Variants in HCN1 observed in about 807,000 individuals in gnomAD.
HCN1 encodes hyperpolarization activated cyclic nucleotide gated potassium channel 1.
Under a neutral mutation model 78.9 loss-of-function variants are expected in HCN1, and 13 were observed. The observed-to-expected ratio is 0.16, with a 90% CI of 0.11 to 0.26. The LOEUF (loss-of-function observed/expected upper bound fraction) is 0.26. Ranked by LOEUF, HCN1 falls within the 10% of genes least tolerant of loss-of-function variation. HCN1 has a pLI of 1.00. For missense variants in HCN1, 810 were observed against 1,154.3 expected, an observed-to-expected ratio of 0.70 and a Z score of 4.32; for synonymous variants, 552 against 455.5, an observed-to-expected ratio of 1.21 and a Z score of -2.70.
chr5:45,491,001 C>T (rs1254161189), intron 2 of HCN1, among the ~76,000 whole-genome samples: 1 of 152,070 alleles, frequency 6.6e-6, no homozygotes. Flanking sequence ...CCCACCTTAA[C>T]CATACATCAG....
chr5:45,670,227 AC>A (rs1169222324), intron 1 of HCN1, among the ~76,000 whole-genome samples: 2 of 151,704 alleles, frequency 1.3e-5, no homozygotes, highest in South Asian at 4.1e-4. Flanking sequence ...AGTGAAACAA[AC>A]AAACAAACAA....
intron 3 of HCN1, among the ~76,000 whole-genome samples, chr5:45,457,979 C>A (rs988973295): frequency 1.3e-5 from 2 of 151,886 alleles, no homozygotes; most frequent in African/African-American, 2.4e-5. Context: ...ATAGCACCTG[C>A]GACGGTTAGT....
chr5:45,645,105 T>C (rs1226349554), intron 2 of HCN1, 80 bp downstream of exon 2: 6 of 1,039,922 alleles, frequency 5.8e-6, no homozygotes, highest in Non-Finnish European at 5.8e-6. Context: ...TCATTACACA[T>C]TGCACAGTTG....
chr5:45,268,281 T>TATAG (rs769110071), intron 6 of HCN1, among the ~76,000 whole-genome samples: 28 of 152,336 alleles, frequency 1.8e-4, no homozygotes, highest in Non-Finnish European at 2.9e-4. Context: ...GCTGAAGCTA[T>TATAG]ATAGCTATTA....
chr5:45,430,631 T>C (rs1561152035), intron 3 of HCN1, among the ~76,000 whole-genome samples: 1 of 152,126 alleles, frequency 6.6e-6, no homozygotes, highest in Non-Finnish European at 1.5e-5. Context: ...TTCTTTTTTA[T>C]GGATGTGTAG....
chr5:45,372,140 A>ATATATTATATATATAATATAATT (rs372774682), intron 4 of HCN1, among the ~76,000 whole-genome samples: 9 of 53,686 alleles, frequency 1.7e-4, no homozygotes, highest in African/African-American at 2.2e-4. Flanking sequence ...ATAATATAAT[A>ATATATTATATATATAATATAATT]ATATATTATA....
chr5:45,496,690 G>A (rs1209756116), intron 2 of HCN1, among the ~76,000 whole-genome samples: 1 of 151,914 alleles, frequency 6.6e-6, no homozygotes, highest in Non-Finnish European at 1.5e-5. Context: ...AGGGTTTTTT[G>A]TGTCTCTATT....
chr5:45,505,086 T>C (rs542384635), intron 2 of HCN1, among the ~76,000 whole-genome samples: 13 of 152,294 alleles, frequency 8.5e-5, no homozygotes, highest in South Asian at 4.1e-4. Flanking sequence ...TTTTGCTGTG[T>C]AGAAGCTCTT....
chr5:45,674,298 C>T (rs1389407578), intron 1 of HCN1, among the ~76,000 whole-genome samples: 3 of 151,352 alleles, frequency 2.0e-5, no homozygotes, highest in Non-Finnish European at 4.4e-5. Context: ...ACTTAGAAGT[C>T]TATATTTTAA....
intron 2 of HCN1, among the ~76,000 whole-genome samples, chr5:45,556,662 A>G (rs1308610823): frequency 6.6e-6 from 1 of 151,862 alleles, no homozygotes; most frequent in African/African-American, 2.4e-5. Context: ...CCTCACCCCA[A>G]GAAGCACATT....
At chr5:45,593,340 TCACACACA>T (rs538486679) in intron 2 of HCN1, among the ~76,000 whole-genome samples, 1 of 125,526 alleles carries the variant, frequency 8.0e-6, no homozygotes, top group Non-Finnish European at 1.6e-5. Context: ...TCTCTCTCTC[TCACACACA>T]CACACACACA....
intron 1 of HCN1, among the ~76,000 whole-genome samples, chr5:45,670,159 T>G (rs1257936608): frequency 6.6e-6 from 1 of 151,590 alleles, no homozygotes; most frequent in Admixed American, 6.6e-5. Flanking sequence ...CAATCATAGA[T>G]GTAATGTATC....
At chr5:45,593,218 A>G (rs866101684) in intron 2 of HCN1, among the ~76,000 whole-genome samples, 49 of 144,472 alleles carry the variant, frequency 3.4e-4, no homozygotes, top group African/African-American at 6.8e-4. Context: ...ACGCGCACAC[A>G]CACACACACA....
intron 3 of HCN1, among the ~76,000 whole-genome samples, chr5:45,401,526 G>A (rs1187761362): frequency 6.6e-6 from 1 of 151,754 alleles, no homozygotes; most frequent in African/African-American, 2.4e-5. Context: ...TAAGTTCCTT[G>A]GCAGCTGCTG....
At chr5:45,353,340 A>G (rs1052214886) in intron 4 of HCN1, 94 bp from the exon 5 acceptor site, 3 of 918,080 alleles carry the variant, frequency 3.3e-6, no homozygotes, top group Middle Eastern at 3.4e-4. Flanking sequence ...TAATATTTGA[A>G]TACTCAGTTA....
chr5:45,694,774 C>T (rs543645101), intron 1 of HCN1, among the ~76,000 whole-genome samples: 1 of 152,308 alleles, frequency 6.6e-6, no homozygotes, highest in African/African-American at 2.4e-5. Context: ...TCTAAATATG[C>T]TTATCACCGA....
At position 45,586,991 on chromosome 5, in the gene HCN1, C is replaced by T. The variant is rs150407687; in HGVS notation, c.849+58194G>A. ...TCATTCCATTATATCTTTAAGACTA[C>T]ATAACCAAGTTATTTTCAAACCTGT... On this transcript the variant is annotated intron_variant, in intron 2 of 7. Coordinates refer to ENST00000303230, the MANE Select transcript of HCN1 (RefSeq NM_021072.4). 3.7e-4 allele frequency among the ~76,000 whole-genome samples: 56 copies of T among 152,238 alleles called. 1 individual carries two copies. The East Asian group carries it at 0.01, about 28-fold the overall frequency.
At chr5:45,426,600 A>G (rs6891513) in intron 3 of HCN1, among the ~76,000 whole-genome samples, 2,407 of 152,234 alleles carry the variant, frequency 0.016, 65 homozygotes, top group African/African-American at 0.055. Context: ...CCCTTCTGCC[A>G]TGATTGTGAG....
chr5:45,447,365 C>G (rs1439415106), intron 3 of HCN1, among the ~76,000 whole-genome samples: 1 of 152,158 alleles, frequency 6.6e-6, no homozygotes, highest in Admixed American at 6.5e-5. Flanking sequence ...ACTTAAGCCT[C>G]TTGAGTAGCT....
Sources: gnomAD v4.1 joint callset for allele counts (sites outside exome capture counted in the v4.1 genomes callset) on GRCh38, gnomAD v4.1.1 for gene constraint, MANE v1.5 for transcripts, NCBI Gene and HGNC (gene_info 2026-07-23, HGNC 2026-07-21) for gene names.